ADGRL4: variants seen among roughly 807,000 people sequenced by gnomAD.
ADGRL4 encodes EGF, latrophilin and seven transmembrane domain containing 1.
Under a neutral mutation model 74.8 loss-of-function variants are expected in ADGRL4, and 90 were observed. The observed-to-expected ratio is 1.20, with a 90% CI of 1.02 to 1.43. The LOEUF is 1.43. Ranked by LOEUF, ADGRL4 falls within the 40% of genes most tolerant of loss-of-function variation. The probability of loss-of-function intolerance (pLI) is 0.00; values close to 1 mark genes in which losing one functional copy is unlikely to be tolerated. For synonymous variants in ADGRL4, 311 were observed against 279.2 expected, an observed-to-expected ratio of 1.11 and a Z score of -1.14; for missense variants, 881 against 814.3, an observed-to-expected ratio of 1.08 and a Z score of -1.00.
At chr1:78,916,224 A>C (rs938632007) in intron 12 of ADGRL4, among the ~76,000 whole-genome samples, 2 of 151,940 alleles carry the variant, frequency 1.3e-5, no homozygotes, top group African/African-American at 4.8e-5. Context: ...ATTTTAGAGA[A>C]GTATGCTCCT....
intron 12 of ADGRL4, among the ~76,000 whole-genome samples, chr1:78,912,386 G>T (rs959408784): frequency 2.6e-5 from 4 of 151,920 alleles, no homozygotes; most frequent in African/African-American, 9.6e-5. Flanking sequence ...TTATGGTTTA[G>T]ACAAGGGATT....
At chr1:78,995,656 C>T (rs1460501805) in intron 2 of ADGRL4, among the ~76,000 whole-genome samples, 1 of 152,088 alleles carries the variant, frequency 6.6e-6, no homozygotes, top group Non-Finnish European at 1.5e-5. Flanking sequence ...GGCTATTTGC[C>T]CAAGAATTAG....
chr1:79,000,448 A>G (rs1650817495), intron 2 of ADGRL4, among the ~76,000 whole-genome samples: 1 of 152,216 alleles, frequency 6.6e-6, no homozygotes, highest in Non-Finnish European at 1.5e-5. Context: ...GGAACTAGTC[A>G]GCAAAACTCA....
rs556400801 is a variant in ADGRL4 at position 78,993,099 on chromosome 1, C to T, written c.172+11971G>A. 1.3e-4 allele frequency among the ~76,000 whole-genome samples: 20 copies of T among 151,938 alleles called. No individual in the cohort carries two copies. The East Asian group carries it at 1.5e-3, about 12-fold the overall frequency. On this transcript the variant is annotated intron_variant, in intron 2 of 14. Coordinates refer to ENST00000370742, the MANE Select transcript of ADGRL4 (RefSeq NM_022159.4). Reference sequence around the variant, plus strand: ...GTAACACTTAAGGAGGGTTAAAATACGTTTTTTTAATTTAAACCAAGCATT... The same window carrying T: ...GTAACACTTAAGGAGGGTTAAAATATGTTTTTTTAATTTAAACCAAGCATT...
intron 2 of ADGRL4, among the ~76,000 whole-genome samples, chr1:78,970,853 T>C (rs909336561): frequency 6.6e-6 from 1 of 152,182 alleles, no homozygotes; most frequent in Non-Finnish European, 1.5e-5. Flanking sequence ...TTTCCCAAGC[T>C]GTAAACTGGT....
At chr1:79,001,392 A>C (rs1650841215) in intron 2 of ADGRL4, among the ~76,000 whole-genome samples, 1 of 152,082 alleles carries the variant, frequency 6.6e-6, no homozygotes, top group African/African-American at 2.4e-5. Context: ...TGAAAACTGA[A>C]AACAAATATT....
At chr1:78,902,735 G>T (rs574526791) in intron 12 of ADGRL4, among the ~76,000 whole-genome samples, 6 of 152,100 alleles carry the variant, frequency 3.9e-5, no homozygotes, top group Admixed American at 6.6e-5. Flanking sequence ...GTATTACTAT[G>T]GTTAACTATT....
chr1:78,994,974 G>GCAACGCAAAGATCTTTTGGAATTT (rs1553140506), intron 2 of ADGRL4, among the ~76,000 whole-genome samples: 2 of 152,146 alleles, frequency 1.3e-5, no homozygotes, highest in Non-Finnish European at 2.9e-5. Context: ...TTTTGGAATT[G>GCAACGCAAAGATCTTTTGGAATTT]CAACACAAAG....
At chr1:79,000,664 G>C (rs1256999064) in intron 2 of ADGRL4, among the ~76,000 whole-genome samples, 1 of 139,210 alleles carries the variant, frequency 7.2e-6, no homozygotes, top group African/African-American at 2.6e-5. Flanking sequence ...GAGAAAAGAG[G>C]TCATATTTCT....
rs549701367 is a variant in ADGRL4 at position 78,927,132 on chromosome 1, A to C, written c.878-41T>G. The C allele has an allele frequency of 1.6e-5, 22 of 1,335,956 alleles. No individual in the cohort carries two copies. In the East Asian group the frequency reaches 3.2e-4, roughly 20 times the overall value. 82.8% of individuals were successfully genotyped at this position (1,335,956 alleles called of 1,614,324 possible). A position where few individuals can be genotyped will look rare whatever the true frequency, so the allele number is the denominator to read the frequency against. ...GTATATTTAGTGAAATTCTTATAAA[A>C]CAAAGTGTATTTAGACTCTTAAGAT... On this transcript the variant is annotated intron_variant, in intron 7 of 14. Coordinates refer to ENST00000370742, the MANE Select transcript of ADGRL4 (RefSeq NM_022159.4).
intron 12 of ADGRL4, among the ~76,000 whole-genome samples, chr1:78,895,423 T>C (rs2100650288): frequency 6.6e-6 from 1 of 152,096 alleles, no homozygotes; most frequent in South Asian, 2.1e-4. Context: ...AAACAAATAA[T>C]CATACAATCC....
At chr1:78,998,192 G>A (rs765729623) in intron 2 of ADGRL4, among the ~76,000 whole-genome samples, 21 of 151,346 alleles carry the variant, frequency 1.4e-4, no homozygotes, top group Non-Finnish European at 2.7e-4. Context: ...GGCATTTGAC[G>A]CTGCTTTGAG....
intron 3 of ADGRL4, among the ~76,000 whole-genome samples, chr1:78,941,536 G>T (rs1301772655): frequency 2.6e-5 from 4 of 151,610 alleles, no homozygotes; most frequent in Non-Finnish European, 4.4e-5. Context: ...AAACAAGGTG[G>T]TTTTTTCTCT....
chr1:78,917,594 C>T lies in ADGRL4; in HGVS notation c.1749+40G>A, dbSNP rs745464168. 5.9e-6 allele frequency: 8 copies of T among 1,356,478 alleles called. No homozygotes were observed. In the South Asian group the frequency reaches 1.1e-4, roughly 18 times the overall value. The allele number at this position is 1,356,478 out of a possible 1,614,324, so 84.0% of individuals were successfully genotyped here. ...GAAATTTTAAGCACCCTATGATCAT[C>T]ACTTTTTTGAATTGTAATAACAATT... On this transcript the variant is annotated intron_variant, in intron 12 of 14. Coordinates refer to ENST00000370742, the MANE Select transcript of ADGRL4 (RefSeq NM_022159.4).
In ADGRL4 at chr1:78,953,768, T is replaced by C. The variant is rs1649776349; in HGVS notation, c.173-7342A>G. 2.6e-5 allele frequency among the ~76,000 whole-genome samples: 4 copies of C among 152,196 alleles called. No homozygotes were observed. In the South Asian group the frequency reaches 8.3e-4, roughly 32 times the overall value. The stretch of plus-strand genomic sequence containing the variant: ...AAGCTCTGCAATACATAAATTCAAA[T>C]AGATGATGACTGTGTGATCATGAAC... On this transcript the variant is annotated intron_variant, in intron 2 of 14. Transcript: ENST00000370742.
chr1:78,997,260 T>A (rs1391366632), intron 2 of ADGRL4, among the ~76,000 whole-genome samples: 1 of 152,186 alleles, frequency 6.6e-6, no homozygotes, highest in Non-Finnish European at 1.5e-5. Context: ...AATGCTGTCC[T>A]GGTGTATCTT....
chr1:78,905,037 T>C (rs887406686), intron 12 of ADGRL4, among the ~76,000 whole-genome samples: 16 of 152,074 alleles, frequency 1.1e-4, no homozygotes, highest in African/African-American at 3.9e-4. Context: ...TCAATGGACC[T>C]GTCAATAGCA....
intron 2 of ADGRL4, among the ~76,000 whole-genome samples, chr1:79,004,406 C>T (rs577062348): frequency 6.6e-5 from 10 of 151,904 alleles, no homozygotes; most frequent in African/African-American, 2.2e-4. Context: ...ACTACAGACA[C>T]GAAATTACGT....
chr1:78,968,500 C>CA (rs1553138224), intron 2 of ADGRL4, among the ~76,000 whole-genome samples: 3 of 5,312 alleles, frequency 5.6e-4, no homozygotes, highest in African/African-American at 9.8e-4. Context: ...GGGTGGAGGG[C>CA]GGTGGGGGGG....
Sources: allele counts gnomAD v4.1 joint callset (sites outside exome capture counted in the v4.1 genomes callset), GRCh38; gene constraint gnomAD v4.1.1; transcripts MANE v1.5; gene names NCBI Gene and HGNC (gene_info 2026-07-23, HGNC 2026-07-21).